The following B3GALT1 variants were observed in gnomAD, a reference collection of about 807,000 sequenced individuals.
The protein encoded by B3GALT1 is beta-1,3-galactosyltransferase 1, also known as UDP-Gal:betaGlcNAc beta 1,3-galactosyltransferase, polypeptide 1.
Under a neutral mutation model 23.2 loss-of-function variants are expected in B3GALT1, and 10 were observed. The ratio of observed to expected loss-of-function variants is 0.43; its 90% CI spans 0.27 to 0.73. The LOEUF is 0.73. Among genes scored for constraint, B3GALT1 ranks in the 30% least tolerant of loss-of-function variants. B3GALT1 has a pLI of 0.21. For missense variants in B3GALT1, 299 were observed against 405.4 expected (o/e 0.74, Z 2.25); for synonymous variants, 156 against 141.5 (o/e 1.10, Z -0.73).
intron 3 of B3GALT1, among the ~76,000 whole-genome samples, chr2:167,805,069 G>A (rs1213269590): frequency 6.6e-6 from 1 of 152,154 alleles, no homozygotes; most frequent in African/African-American, 2.4e-5. Flanking sequence ...GCATTTCTCT[G>A]ATGGCCAGTG....
intron 4 of B3GALT1, among the ~76,000 whole-genome samples, chr2:167,845,748 T>C (rs543605579): frequency 6.0e-4 from 87 of 146,034 alleles, no homozygotes; most frequent in African/African-American, 2.0e-3. Flanking sequence ...TCACCAGCAA[T>C]GGATCCAAAC....
At chr2:167,366,400 A>G (rs1182302825) in intron 1 of B3GALT1, among the ~76,000 whole-genome samples, 4 of 152,222 alleles carry the variant, frequency 2.6e-5, no homozygotes, top group African/African-American at 9.6e-5. Flanking sequence ...AATGTGTTTT[A>G]TGTCACTTGA....
At chr2:167,352,317 T>C (rs1404885024) in intron 1 of B3GALT1, among the ~76,000 whole-genome samples, 3 of 149,660 alleles carry the variant, frequency 2.0e-5, no homozygotes, top group African/African-American at 7.4e-5. Flanking sequence ...TTTGCTTCTC[T>C]GCATAATCAA....
chr2:167,320,360 T>G lies in B3GALT1; in HGVS notation c.-511+27026T>G, dbSNP rs913692596. Among the ~76,000 whole-genome samples, 2 of 151,842 alleles carry G rather than the reference T, an allele frequency of 1.3e-5. 1 individual carries two copies. Among genetic ancestry groups the G allele is most frequent in the Non-Finnish European group, 2.9e-5 (2 of 67,930 alleles). On this transcript the variant is annotated intron_variant, in intron 1 of 4. Coordinates refer to ENST00000392690, the MANE Select transcript of B3GALT1 (RefSeq NM_020981.4). ...GCACACCACCATACCTGGCTAATTT[T>G]TATATATTTTGGTAGAGAGGGGTTT...
At chr2:167,393,221 G>T (rs138282394) in intron 1 of B3GALT1, among the ~76,000 whole-genome samples, 1 of 149,650 alleles carries the variant, frequency 6.7e-6, no homozygotes, top group Non-Finnish European at 1.5e-5. Context: ...GCGACAGAGC[G>T]AGACTCCGTC....
intron 3 of B3GALT1, among the ~76,000 whole-genome samples, chr2:167,795,379 G>A (rs35958195): frequency 0.1 from 15,589 of 152,172 alleles, 1,221 homozygotes; most frequent in African/African-American, 0.21. Context: ...AAAAGCCACA[G>A]AATAACTCAC....
chr2:167,806,300 C>T (rs1433043602), intron 3 of B3GALT1, among the ~76,000 whole-genome samples: 1 of 152,132 alleles, frequency 6.6e-6, no homozygotes, highest in Non-Finnish European at 1.5e-5. Flanking sequence ...TTCCTCTTTT[C>T]CTAATTGAAT....
intron 2 of B3GALT1, among the ~76,000 whole-genome samples, chr2:167,575,610 C>T (rs912428439): frequency 2.0e-5 from 3 of 151,830 alleles, no homozygotes; most frequent in Non-Finnish European, 4.4e-5. Context: ...GCTCACACAT[C>T]TCTATCTTGT....
chr2:167,827,235 C>CAGTT, intron 4 of B3GALT1, among the ~76,000 whole-genome samples: 1 of 152,268 alleles, frequency 6.6e-6, no homozygotes, highest in African/African-American at 2.4e-5. Flanking sequence ...ATTCACCTGC[C>CAGTT]AGTTAAAGAA....
chr2:167,613,741 A>G (rs539451282), intron 2 of B3GALT1, among the ~76,000 whole-genome samples: 84 of 151,928 alleles, frequency 5.5e-4, no homozygotes, highest in African/African-American at 2.0e-3. Flanking sequence ...AAACTTCTCT[A>G]TACTCTATAT....
rs1690365942 is a variant in B3GALT1 at position 167,872,249 on chromosome 2, T to A, written c.*2229T>A. 1.3e-5 allele frequency: 2 copies of A among 152,124 alleles called. No homozygotes were observed. Among genetic ancestry groups the A allele is most frequent in the Non-Finnish European group, 2.9e-5 (2 of 68,092 alleles). The allele number at this position is 152,124 out of a possible 1,614,324, so 9.4% of individuals were successfully genotyped here. On this transcript the variant is annotated 3_prime_UTR_variant, in exon 5 of 5. Coordinates refer to ENST00000392690, the MANE Select transcript of B3GALT1 (RefSeq NM_020981.4). ...GACCCCTGGAGCCCCCCGTAGGAGTTGATAGCAAACAGATAGACACAATGA... is the reference window on the plus strand; with the variant it reads ...GACCCCTGGAGCCCCCCGTAGGAGTAGATAGCAAACAGATAGACACAATGA...
intron 4 of B3GALT1, among the ~76,000 whole-genome samples, chr2:167,832,863 A>G (rs1025081203): frequency 2.6e-5 from 4 of 152,238 alleles, no homozygotes; most frequent in African/African-American, 9.6e-5. Context: ...ATGCAGCCCA[A>G]AGCAATCCAT....
At chr2:167,333,471 T>C (rs1697007873) in intron 1 of B3GALT1, among the ~76,000 whole-genome samples, 1 of 152,030 alleles carries the variant, frequency 6.6e-6, no homozygotes, top group South Asian at 2.1e-4. Flanking sequence ...GAGGCAGGAG[T>C]TGACAGTCTG....
chr2:167,793,330 A>G (rs1403099889), intron 3 of B3GALT1, among the ~76,000 whole-genome samples: 1 of 152,182 alleles, frequency 6.6e-6, no homozygotes, highest in Non-Finnish European at 1.5e-5. Flanking sequence ...AATGGAGTCA[A>G]ATGCTCCTGC....
At chr2:167,334,714 G>C (rs1473480794) in intron 1 of B3GALT1, among the ~76,000 whole-genome samples, 2 of 152,102 alleles carry the variant, frequency 1.3e-5, no homozygotes, top group South Asian at 4.1e-4. Context: ...AAATGTATAA[G>C]AACTAGGCAA....
At chr2:167,857,366 G>C (rs1574304386) in intron 4 of B3GALT1, among the ~76,000 whole-genome samples, 1 of 152,198 alleles carries the variant, frequency 6.6e-6, no homozygotes, top group East Asian at 1.9e-4. Context: ...AGCATAGCCT[G>C]AAAGAGTTTC....
rs77009838 is a variant in B3GALT1 at position 167,461,483 on chromosome 2, C to G, written c.-510-28694C>G. ...TCTAGAACCCTCTCACCTCTGTGCA[C>G]AGTAAAATTTGAGAACTACTGTTTT... On this transcript the variant is annotated intron_variant, in intron 1 of 4. Transcript: ENST00000392690. 5.8e-3 allele frequency among the ~76,000 whole-genome samples: 882 copies of G among 152,232 alleles called. 9 individuals carry two copies. Among genetic ancestry groups the G allele is most frequent in the African/African-American group, 0.02 (846 of 41,532 alleles).
intron 2 of B3GALT1, among the ~76,000 whole-genome samples, 197 bp downstream of exon 2, chr2:167,490,474 T>C (rs1326026060): frequency 1.3e-5 from 2 of 152,108 alleles, no homozygotes; most frequent in East Asian, 3.9e-4. Flanking sequence ...ACATTTGGAG[T>C]AGGATAATAT....
intron 1 of B3GALT1, among the ~76,000 whole-genome samples, chr2:167,410,128 G>A (rs897421604): frequency 6.6e-6 from 1 of 152,078 alleles, no homozygotes; most frequent in African/African-American, 2.4e-5. Context: ...CCTTTGCAGG[G>A]ACATGGATGA....
Sources: gnomAD v4.1 joint callset for allele counts (sites outside exome capture counted in the v4.1 genomes callset) on GRCh38, gnomAD v4.1.1 for gene constraint, MANE v1.5 for transcripts, NCBI Gene and HGNC (gene_info 2026-07-23, HGNC 2026-07-21) for gene names.